Variants in PCDHA11 observed in about 807,000 individuals in gnomAD.
PCDHA11 encodes the protein protocadherin alpha-11.
A neutral mutation model predicts 70.3 loss-of-function variants in PCDHA11; 61 were observed. The ratio of observed to expected loss-of-function variants is 0.87; its 90% CI spans 0.71 to 1.07. PCDHA11 has a LOEUF of 1.07. PCDHA11 is among the 50% of genes least tolerant of loss of function. PCDHA11 has a pLI of 0.00. For synonymous variants in PCDHA11, 633 were observed against 555.1 expected (o/e 1.14, Z -1.97); for missense variants, 1,324 against 1,237.5 (o/e 1.07, Z -1.05).
chr5:141,007,395 C>CAAAAAAAAAAAAAAAAAAAAAAAAAAA (rs35800918), intron 3 of PCDHA11, among the ~76,000 whole-genome samples: 1 of 94,866 alleles, frequency 1.1e-5, no homozygotes, highest in Non-Finnish European at 2.1e-5. Context: ...TACTAAAATA[C>CAAAAAAAAAAAAAAAAAAAAAAAAAAA]AAAAAAAAAA....
chr5:140,966,452 C>T, intron 1 of PCDHA11: 1 of 425,890 alleles, frequency 2.3e-6, no homozygotes, highest in South Asian at 9.0e-5. Flanking sequence ...TTTCCCCCTC[C>T]CCCTCTGTCT....
In PCDHA11 at chr5:140,870,285, C is replaced by G. The variant is rs1315531348; in HGVS notation, c.1182C>G (p.Phe394Leu). Residue 394 changes from phenylalanine to leucine, a missense_variant, in exon 1 of 4, where the codon TTC becomes TTG. Transcript: ENST00000398640. Reference protein sequence around the residue: ...VTCSLTPHVPFKLVSTFKNYY... With the variant: ...VTCSLTPHVPLKLVSTFKNYY... ...GCTCGCTGACGCCCCACGTTCCCTT[C>G]AAGCTGGTGTCCACCTTCAAGAATT... 1 of 1,614,108 alleles carries G rather than the reference C, an allele frequency of 6.2e-7. No individual in the cohort carries two copies. Among genetic ancestry groups the G allele is most frequent in the Non-Finnish European group, 8.5e-7 (1 of 1,180,054 alleles).
At chr5:140,917,876 C>CT (rs575141569) in intron 1 of PCDHA11, among the ~76,000 whole-genome samples, 41 of 147,132 alleles carry the variant, frequency 2.8e-4, no homozygotes, top group Admixed American at 1.6e-3. Context: ...TATTTGGGCT[C>CT]TTTTTTTTTT....
In PCDHA11 at chr5:140,870,956, G is replaced by A. The variant is rs1554164932; in HGVS notation, c.1853G>A (p.Arg618His). 1 of 1,613,634 alleles carries A rather than the reference G, an allele frequency of 6.2e-7. No homozygotes were observed. The highest frequency in any genetic ancestry group is 8.5e-7 in the Non-Finnish European group (1 of 1,179,890). ...TTGCAGCCGGCGGCGGGCGGCTCGC[G>A]CATCCCGTTCCGCGTGGGGCTGTAC... is the stretch of plus-strand genomic sequence containing the variant. ...YELQPAAGGSRIPFRVGLYTG... is the reference protein window; with the variant it reads ...YELQPAAGGSHIPFRVGLYTG... The change falls in exon 1 of 4, where the codon CGC (arginine) becomes CAC (histidine). Residue 618 changes from arginine to histidine, a missense_variant. Coordinates refer to ENST00000398640, the MANE Select transcript of PCDHA11 (RefSeq NM_018902.5).
At chr5:140,876,483 G>C in intron 1 of PCDHA11, 1 of 1,614,004 alleles carries the variant, frequency 6.2e-7, no homozygotes, top group Non-Finnish European at 8.5e-7. Context: ...GCATGGTCCT[G>C]GTGGAAGTTC....
intron 1 of PCDHA11, among the ~76,000 whole-genome samples, chr5:140,936,151 C>G (rs947807537): frequency 6.6e-6 from 1 of 152,128 alleles, no homozygotes; most frequent in Non-Finnish European, 1.5e-5. Context: ...CCTTGGCCTC[C>G]TAAAGTGCTG....
chr5:140,928,450 G>C, intron 1 of PCDHA11: 2 of 1,614,146 alleles, frequency 1.2e-6, no homozygotes, highest in Non-Finnish European at 8.5e-7. Flanking sequence ...GCAGCTCAGG[G>C]GGTTTCATTT....
intron 1 of PCDHA11, among the ~76,000 whole-genome samples, chr5:140,977,308 A>G (rs2096754925): frequency 6.6e-6 from 1 of 152,230 alleles, no homozygotes; most frequent in South Asian, 2.1e-4. Context: ...CAAGCTAACG[A>G]TAGTGCTCCT....
chr5:140,955,220 A>T (rs1016918569), intron 1 of PCDHA11, among the ~76,000 whole-genome samples: 1 of 152,130 alleles, frequency 6.6e-6, no homozygotes, highest in Non-Finnish European at 1.5e-5. Flanking sequence ...TGATGCCTCC[A>T]GCTTTGTTCT....
At chr5:140,942,996 C>T (rs1294135098) in intron 1 of PCDHA11, among the ~76,000 whole-genome samples, 1 of 151,798 alleles carries the variant, frequency 6.6e-6, no homozygotes, top group South Asian at 2.1e-4. Context: ...GTGGCTCATG[C>T]CTGTAATCCC....
At chr5:140,898,751 A>G (rs2066956971) in intron 1 of PCDHA11, among the ~76,000 whole-genome samples, 1 of 152,050 alleles carries the variant, frequency 6.6e-6, no homozygotes, top group Admixed American at 6.6e-5. Context: ...CTTGATGGGG[A>G]TGGCATTGAA....
chr5:140,979,898 G>A (rs1253481087), intron 2 of PCDHA11, among the ~76,000 whole-genome samples: 2 of 152,212 alleles, frequency 1.3e-5, no homozygotes, highest in Non-Finnish European at 1.5e-5. Context: ...ACCAAACTTA[G>A]ATCAGTTCGT....
intron 1 of PCDHA11, among the ~76,000 whole-genome samples, chr5:140,888,046 A>G (rs2061675850): frequency 6.6e-6 from 1 of 152,214 alleles, no homozygotes; most frequent in South Asian, 2.1e-4. Flanking sequence ...CATGTATAAT[A>G]GATGTTTTAA....
intron 1 of PCDHA11, chr5:140,883,896 C>G (rs199847007): frequency 6.2e-7 from 1 of 1,613,386 alleles, no homozygotes; most frequent in African/African-American, 1.3e-5. Context: ...TCTGGCGTGC[C>G]GCCTCTGGGC....
chr5:140,989,237 A>C (rs2097333860), intron 3 of PCDHA11, among the ~76,000 whole-genome samples: 1 of 152,172 alleles, frequency 6.6e-6, no homozygotes, highest in African/African-American at 2.4e-5. Flanking sequence ...CTGAAGTTTT[A>C]AGCCCCTTGT....
intron 1 of PCDHA11, chr5:140,876,854 C>CA (rs1554169042): frequency 6.2e-7 from 1 of 1,613,994 alleles, no homozygotes; most frequent in Non-Finnish European, 8.5e-7. Context: ...CCCGAGTACA[C>CA]AGTGTTCGTG....
intron 2 of PCDHA11, among the ~76,000 whole-genome samples, chr5:140,979,895 T>G (rs1460432451): frequency 6.6e-6 from 1 of 152,222 alleles, no homozygotes; most frequent in Non-Finnish European, 1.5e-5. Context: ...TTCACCAAAC[T>G]TAGATCAGTT....
At chr5:140,900,920 T>C (rs539511607) in intron 1 of PCDHA11, among the ~76,000 whole-genome samples, 1 of 152,322 alleles carries the variant, frequency 6.6e-6, no homozygotes, top group South Asian at 2.1e-4. Context: ...TAAGATGATA[T>C]CTCATTGTAG....
intron 1 of PCDHA11, among the ~76,000 whole-genome samples, chr5:140,952,415 C>T (rs138050953): frequency 7.9e-4 from 120 of 152,134 alleles, no homozygotes; most frequent in Admixed American, 1.6e-3. Context: ...TTTAATGTTC[C>T]GCAGATTCCT....
Sources: gnomAD v4.1 joint callset for allele counts (sites outside exome capture counted in the v4.1 genomes callset) on GRCh38, gnomAD v4.1.1 for gene constraint, MANE v1.5 for transcripts, NCBI Gene and HGNC (gene_info 2026-07-23, HGNC 2026-07-21) for gene names.